Variants in PABPC4L observed in about 807,000 individuals in gnomAD.
PABPC4L encodes the protein poly(A) binding protein cytoplasmic 4 like.
For missense variants in PABPC4L, 452 were observed against 451.4 expected (o/e 1.00, Z -0.01); for synonymous variants, 169 against 164.1 (o/e 1.03, Z -0.23).
the PABPC4L span, among the ~76,000 whole-genome samples, chr4:134,056,809 G>T: frequency 6.6e-6 from 1 of 151,794 alleles, no homozygotes; most frequent in African/African-American, 2.4e-5. Context: ...TTCCTATTGG[G>T]ACAATTACAT....
At chr4:134,165,270 A>G in the PABPC4L span, among the ~76,000 whole-genome samples, 1 of 152,142 alleles carries the variant, frequency 6.6e-6, no homozygotes, top group East Asian at 1.9e-4. Context: ...CAACAAAACC[A>G]AAAATGAATA....
chr4:134,084,181 T>C, the PABPC4L span, among the ~76,000 whole-genome samples: 4 of 152,048 alleles, frequency 2.6e-5, no homozygotes, highest in Non-Finnish European at 4.4e-5. Context: ...CCCAAGTAGC[T>C]AGGACTACAG....
At chr4:134,025,354 T>A in the PABPC4L span, among the ~76,000 whole-genome samples, 3 of 146,736 alleles carry the variant, frequency 2.0e-5, no homozygotes, top group African/African-American at 7.6e-5. Flanking sequence ...GGGTTACAAG[T>A]GTGAGCCACT....
chr4:134,127,587 C>G, the PABPC4L span, among the ~76,000 whole-genome samples: 1 of 152,054 alleles, frequency 6.6e-6, no homozygotes, highest in South Asian at 2.1e-4. Flanking sequence ...GAAGCCCCAT[C>G]CCTAGGGAAA....
chr4:134,071,210 G>C, the PABPC4L span, among the ~76,000 whole-genome samples: 1 of 152,108 alleles, frequency 6.6e-6, no homozygotes, highest in Non-Finnish European at 1.5e-5. Context: ...GAAAGTCCCT[G>C]TGTGCAGTAG....
chr4:133,962,109 G>A, the PABPC4L span, among the ~76,000 whole-genome samples: 341 of 152,268 alleles, frequency 2.2e-3, 1 homozygote, highest in African/African-American at 7.7e-3. Context: ...GGAATTCCCC[G>A]TGGGACAAAA....
the PABPC4L span, among the ~76,000 whole-genome samples, chr4:134,116,734 T>C: frequency 4.0e-5 from 6 of 151,758 alleles, no homozygotes; most frequent in African/African-American, 1.4e-4. Flanking sequence ...TATAAATTTA[T>C]GTTCCAATTA....
At chr4:134,131,766 T>TAAAAAAAAAAAAAAAAAAAAAAAA in the PABPC4L span, among the ~76,000 whole-genome samples, 1 of 34,548 alleles carries the variant, frequency 2.9e-5, no homozygotes, top group Admixed American at 2.8e-4. Context: ...AAAGCAAGAC[T>TAAAAAAAAAAAAAAAAAAAAAAAA]AAGAAAAAAG....
At chr4:134,011,628 T>A in the PABPC4L span, among the ~76,000 whole-genome samples, 11,536 of 152,120 alleles carry the variant, frequency 0.076, 569 homozygotes, top group South Asian at 0.13. Context: ...TATTTTATTC[T>A]CTCTTTTTTT....
the PABPC4L span, among the ~76,000 whole-genome samples, chr4:134,141,488 T>C: frequency 6.7e-6 from 1 of 149,774 alleles, no homozygotes; most frequent in African/African-American, 2.4e-5. Flanking sequence ...TATAACTATA[T>C]ATTATATTAT....
At chr4:134,131,240 G>A in the PABPC4L span, among the ~76,000 whole-genome samples, 2 of 152,048 alleles carry the variant, frequency 1.3e-5, no homozygotes, top group Admixed American at 6.6e-5. Flanking sequence ...AATCAATGAA[G>A]AGGAAGTCAA....
the PABPC4L span, among the ~76,000 whole-genome samples, chr4:134,120,774 C>T: frequency 6.6e-6 from 1 of 150,934 alleles, no homozygotes; most frequent in Non-Finnish European, 1.5e-5. Context: ...TTTATGTTTG[C>T]TTTTTGTTGT....
chr4:134,057,707 C>T, the PABPC4L span, among the ~76,000 whole-genome samples: 1,224 of 152,154 alleles, frequency 8.0e-3, 13 homozygotes, highest in African/African-American at 0.027. Flanking sequence ...TTTGGAATTG[C>T]TGGCTTCTTT....
chr4:134,198,293 T>C lies in PABPC4L; in HGVS notation c.*1614A>G, dbSNP rs1298358358. The stretch of plus-strand genomic sequence containing the variant: ...TAGAAAAATATGTAACAAATTATAA[T>C]AGGGAATTGGTTTGCATAATACAAT... On this transcript the variant is annotated 3_prime_UTR_variant, in exon 2 of 2. Transcript: ENST00000421491. The C allele has an allele frequency of 1.3e-5, 2 of 151,652 alleles. No homozygotes were observed. The highest frequency in any genetic ancestry group is 4.8e-5 in the African/African-American group (2 of 41,406). The allele number at this position is 151,652 out of a possible 1,614,324, so 9.4% of individuals were successfully genotyped here.
At chr4:133,951,720 C>A in the PABPC4L span, among the ~76,000 whole-genome samples, 3 of 152,152 alleles carry the variant, frequency 2.0e-5, no homozygotes, top group Non-Finnish European at 4.4e-5. Context: ...GCTTTAAATC[C>A]TCCATTGCCT....
chr4:134,057,709 G>C, the PABPC4L span, among the ~76,000 whole-genome samples: 1 of 152,030 alleles, frequency 6.6e-6, no homozygotes, highest in African/African-American at 2.4e-5. Context: ...TGGAATTGCT[G>C]GCTTCTTTAG....
At chr4:134,003,630 G>C in the PABPC4L span, among the ~76,000 whole-genome samples, 2 of 151,866 alleles carry the variant, frequency 1.3e-5, no homozygotes, top group Admixed American at 1.3e-4. Context: ...TTCTGGCACA[G>C]TACTGTATGT....
chr4:134,093,993 T>C, the PABPC4L span, among the ~76,000 whole-genome samples: 42 of 151,988 alleles, frequency 2.8e-4, no homozygotes, highest in African/African-American at 3.6e-4. Flanking sequence ...GGATTTAAAC[T>C]CTTTCCTTTC....
At chr4:134,018,947 C>A in the PABPC4L span, among the ~76,000 whole-genome samples, 1 of 152,012 alleles carries the variant, frequency 6.6e-6, no homozygotes, top group African/African-American at 2.4e-5. Context: ...AAATGCTTGA[C>A]TCACTCCTGA....
Sources: allele counts gnomAD v4.1 joint callset (sites outside exome capture counted in the v4.1 genomes callset), GRCh38; gene constraint gnomAD v4.1.1; transcripts MANE v1.5; gene names NCBI Gene and HGNC (gene_info 2026-07-23, HGNC 2026-07-21).